Variants in ADAMTS12 observed in about 807,000 individuals in gnomAD.
The protein encoded by ADAMTS12 is ADAM metallopeptidase with thrombospondin type 1 motif 12.
A neutral mutation model predicts 167.8 loss-of-function variants in ADAMTS12; 118 were observed. That is an observed-to-expected ratio of 0.70 (90% CI 0.61 to 0.82). The LOEUF (loss-of-function observed/expected upper bound fraction) is 0.82. Ranked by LOEUF, ADAMTS12 falls within the 40% of genes least tolerant of loss-of-function variation. The probability of loss-of-function intolerance (pLI) is 0.00; values close to 1 mark genes in which losing one functional copy is unlikely to be tolerated. For synonymous variants in ADAMTS12, 704 were observed against 716.9 expected (o/e 0.98, Z 0.29); for missense variants, 1,916 against 1,998.8 (o/e 0.96, Z 0.79).
chr5:33,712,212 A>G (rs921066373), intron 3 of ADAMTS12, among the ~76,000 whole-genome samples: 2 of 152,166 alleles, frequency 1.3e-5, no homozygotes, highest in Non-Finnish European at 2.9e-5. Flanking sequence ...ACTATTAATA[A>G]TTGATCTAAC....
intron 16 of ADAMTS12, among the ~76,000 whole-genome samples, chr5:33,599,081 T>C (rs1738056829): frequency 6.6e-6 from 1 of 152,146 alleles, no homozygotes; most frequent in African/African-American, 2.4e-5. Context: ...TAAAACAGCA[T>C]TCAGATGGTT....
chr5:33,676,514 G>T (rs574911835), intron 5 of ADAMTS12, among the ~76,000 whole-genome samples: 5 of 148,808 alleles, frequency 3.4e-5, no homozygotes, highest in Admixed American at 2.0e-4. Flanking sequence ...AACGTAGTGA[G>T]ACCCCATCTT....
chr5:33,778,155 CA>C (rs1391566975), intron 2 of ADAMTS12, among the ~76,000 whole-genome samples: 2 of 152,076 alleles, frequency 1.3e-5, no homozygotes, highest in African/African-American at 4.8e-5. Context: ...GCATTTTTCA[CA>C]TATATGGAAA....
chr5:33,605,665 A>G (rs1215884277), intron 16 of ADAMTS12, among the ~76,000 whole-genome samples: 3 of 152,218 alleles, frequency 2.0e-5, no homozygotes, highest in Admixed American at 2.0e-4. Flanking sequence ...TACAGAGTAA[A>G]TCGAGAAGTT....
At chr5:33,678,502 G>C (rs1483308897) in intron 5 of ADAMTS12, among the ~76,000 whole-genome samples, 1 of 152,174 alleles carries the variant, frequency 6.6e-6, no homozygotes, top group Non-Finnish European at 1.5e-5. Context: ...AATCTTACTA[G>C]GAAAGGGGGT....
intron 16 of ADAMTS12, among the ~76,000 whole-genome samples, chr5:33,611,820 T>C (rs905092052): frequency 3.9e-5 from 6 of 152,140 alleles, no homozygotes; most frequent in African/African-American, 1.4e-4. Flanking sequence ...TAAGTGAAAA[T>C]ATGTGTGTAA....
intron 23 of ADAMTS12, among the ~76,000 whole-genome samples, chr5:33,532,472 ATTT>A (rs55826401): frequency 7.2e-5 from 10 of 139,438 alleles, no homozygotes; most frequent in African/African-American, 1.0e-4. Context: ...TACTGTTTCT[ATTT>A]TTTTTTTTTT....
intron 3 of ADAMTS12, among the ~76,000 whole-genome samples, chr5:33,685,200 C>T (rs892542270): frequency 1.3e-5 from 2 of 152,228 alleles, no homozygotes; most frequent in Admixed American, 1.3e-4. Context: ...CCTCATGTCC[C>T]CTTCCTAATC....
chr5:33,632,605 C>T (rs935213570), intron 12 of ADAMTS12, among the ~76,000 whole-genome samples: 7 of 152,068 alleles, frequency 4.6e-5, no homozygotes, highest in African/African-American at 1.7e-4. Flanking sequence ...TTGTGTAGCT[C>T]CATTTCTGGT....
At position 33,729,278 on chromosome 5, in the gene ADAMTS12, G is replaced by A. The variant is rs963622310; in HGVS notation, c.634+22126C>T. 6.6e-5 allele frequency among the ~76,000 whole-genome samples: 10 copies of A among 152,196 alleles called. No individual in the cohort carries two copies. In the East Asian group the frequency reaches 1.9e-3, roughly 29 times the overall value. On this transcript the variant is annotated intron_variant, in intron 3 of 23. Coordinates refer to ENST00000504830, the MANE Select transcript of ADAMTS12 (RefSeq NM_030955.4). ...TCCATTGGAGAAACATAAAGGATAA[G>A]CTTTTATAGAGTGAATGTGGAAGTC...
At chr5:33,553,447 A>C (rs773648809) in intron 20 of ADAMTS12, among the ~76,000 whole-genome samples, 9 of 152,234 alleles carry the variant, frequency 5.9e-5, no homozygotes, top group Non-Finnish European at 1.2e-4. Flanking sequence ...CACAATAGCA[A>C]AGACATGGAA....
intron 3 of ADAMTS12, among the ~76,000 whole-genome samples, chr5:33,722,155 A>G (rs1392029623): frequency 6.6e-6 from 1 of 152,192 alleles, no homozygotes; most frequent in African/African-American, 2.4e-5. Context: ...TCCAACTCAG[A>G]TCATACATTT....
At chr5:33,762,290 C>G (rs1295743745) in intron 2 of ADAMTS12, among the ~76,000 whole-genome samples, 1 of 151,954 alleles carries the variant, frequency 6.6e-6, no homozygotes, top group Non-Finnish European at 1.5e-5. Context: ...GGGTGGATCA[C>G]GAGGTCAGGA....
intron 19 of ADAMTS12, among the ~76,000 whole-genome samples, chr5:33,574,044 G>C (rs1342491257): frequency 6.6e-6 from 1 of 152,082 alleles, no homozygotes; most frequent in Non-Finnish European, 1.5e-5. Context: ...AAACCACAAT[G>C]AGATACCATC....
chr5:33,687,426 A>G (rs1287139040), intron 3 of ADAMTS12, among the ~76,000 whole-genome samples: 1 of 152,234 alleles, frequency 6.6e-6, no homozygotes, highest in Admixed American at 6.5e-5. Flanking sequence ...TGACAGATTC[A>G]GCCATCTGTG....
At position 33,571,599 on chromosome 5, in the gene ADAMTS12, C is replaced by T. The variant is rs1384032396; in HGVS notation, c.3972+4455G>A. ...ATCTCTGGGACACATTTCAAAGCAG[C>T]GTGTAGAGGGAAATTTATAGCACTA... On this transcript the variant is annotated intron_variant, in intron 19 of 23. Coordinates refer to ENST00000504830, the MANE Select transcript of ADAMTS12 (RefSeq NM_030955.4). Among the ~76,000 whole-genome samples, 9 of 151,932 alleles carry T rather than the reference C, an allele frequency of 5.9e-5. No individual in the cohort carries two copies. In the East Asian group the frequency reaches 9.7e-4, roughly 16 times the overall value.
chr5:33,679,924 C>T (rs1296283035), intron 5 of ADAMTS12, among the ~76,000 whole-genome samples: 2 of 152,204 alleles, frequency 1.3e-5, no homozygotes, highest in African/African-American at 4.8e-5. Flanking sequence ...CTGAACCTCA[C>T]ACTCTGCTTC....
Position 33,748,472 on chromosome 5 carries a change from C to T in ADAMTS12, c.634+2932G>A, listed in dbSNP as rs188756057. ...ATTGAGAAAATCAAAAACAAAATAGCATCACATTAAAGGCCTGGAAAACAG... is the reference window on the plus strand; with the variant it reads ...ATTGAGAAAATCAAAAACAAAATAGTATCACATTAAAGGCCTGGAAAACAG... On this transcript the variant is annotated intron_variant, in intron 3 of 23. Transcript: ENST00000504830. 1.9e-3 allele frequency among the ~76,000 whole-genome samples: 282 copies of T among 152,190 alleles called. 1 individual carries two copies. The highest frequency in any genetic ancestry group is 6.3e-3 in the African/African-American group (261 of 41,536).
chr5:33,735,203 A>G (rs1744328550), intron 3 of ADAMTS12, among the ~76,000 whole-genome samples: 1 of 152,204 alleles, frequency 6.6e-6, no homozygotes, highest in Non-Finnish European at 1.5e-5. Context: ...AGGAATAAAG[A>G]AATAGCTCTC....
Sources: allele counts gnomAD v4.1 joint callset (sites outside exome capture counted in the v4.1 genomes callset), GRCh38; gene constraint gnomAD v4.1.1; transcripts MANE v1.5; gene names NCBI Gene and HGNC (gene_info 2026-07-23, HGNC 2026-07-21).